Variants in SLC35F4 observed in about 807,000 individuals in gnomAD.
SLC35F4 encodes chromosome 14 open reading frame 36.
Under a neutral mutation model 44.2 loss-of-function variants are expected in SLC35F4, and 24 were observed. The observed-to-expected ratio is 0.54, with a 90% CI of 0.39 to 0.76. The LOEUF (loss-of-function observed/expected upper bound fraction) is 0.76, where lower values mean the gene tolerates loss of function less well. SLC35F4 is among the 30% of genes least tolerant of loss of function. SLC35F4 has a pLI of 0.00. For synonymous variants in SLC35F4, 238 were observed against 223.6 expected, an observed-to-expected ratio of 1.06 and a Z score of -0.57; for missense variants, 562 against 586.1, an observed-to-expected ratio of 0.96 and a Z score of 0.42.
At chr14:57,808,721 C>A (rs1881631236) in intron 1 of SLC35F4, among the ~76,000 whole-genome samples, 1 of 152,122 alleles carries the variant, frequency 6.6e-6, no homozygotes, top group Non-Finnish European at 1.5e-5. Flanking sequence ...AAGGAGGATC[C>A]CTTGAGTCCA....
chr14:57,776,691 T>TAAAAAAAAAAAAAAAA (rs2077498893), intron 1 of SLC35F4, among the ~76,000 whole-genome samples: 5 of 126,574 alleles, frequency 4.0e-5, no homozygotes, highest in African/African-American at 1.5e-4. Flanking sequence ...AAAAAAAAAT[T>TAAAAAAAAAAAAAAAA]AAAGGCAGCT....
chr14:57,657,610 G>T (rs189939175), intron 1 of SLC35F4, among the ~76,000 whole-genome samples: 2 of 151,962 alleles, frequency 1.3e-5, no homozygotes, highest in African/African-American at 4.8e-5. Flanking sequence ...AAATTGCATC[G>T]CACGTGAGAT....
intron 1 of SLC35F4, among the ~76,000 whole-genome samples, chr14:57,619,131 G>T (rs140076061): frequency 2.0e-5 from 3 of 152,140 alleles, no homozygotes; most frequent in African/African-American, 7.2e-5. Flanking sequence ...AGACTTAAAC[G>T]TCCCTACCTA....
chr14:57,969,678 C>G (rs1880998169), intron 1 of SLC35F4, among the ~76,000 whole-genome samples: 1 of 152,024 alleles, frequency 6.6e-6, no homozygotes, highest in Non-Finnish European at 1.5e-5. Flanking sequence ...TATTTAATAG[C>G]CTATGAGATA....
At chr14:57,784,033 A>C (rs764884435) in intron 1 of SLC35F4, among the ~76,000 whole-genome samples, 2 of 152,252 alleles carry the variant, frequency 1.3e-5, no homozygotes, top group Non-Finnish European at 2.9e-5. Context: ...GTATGACTTC[A>C]CAGGATTTAT....
intron 4 of SLC35F4, among the ~76,000 whole-genome samples, chr14:57,577,431 A>G (rs1003562019): frequency 1.3e-5 from 2 of 152,200 alleles, no homozygotes; most frequent in African/African-American, 4.8e-5. Context: ...CTGCTAAGAC[A>G]GTTGGGATCT....
At chr14:57,954,511 A>G (rs1423587899) in intron 1 of SLC35F4, among the ~76,000 whole-genome samples, 4 of 152,194 alleles carry the variant, frequency 2.6e-5, no homozygotes, top group African/African-American at 9.6e-5. Context: ...GATTAACAAA[A>G]TAGATAGACC....
intron 1 of SLC35F4, among the ~76,000 whole-genome samples, chr14:57,717,849 G>C (rs1286156566): frequency 6.6e-6 from 1 of 152,054 alleles, no homozygotes; most frequent in Non-Finnish European, 1.5e-5. Context: ...TTTATCCTTT[G>C]TTACAAACAA....
intron 1 of SLC35F4, among the ~76,000 whole-genome samples, chr14:57,751,704 T>C (rs1384090683): frequency 2.0e-5 from 3 of 152,178 alleles, no homozygotes; most frequent in South Asian, 2.1e-4. Context: ...TTACAAGGAA[T>C]AGGACAAAAA....
At chr14:57,943,978 T>C (rs1445593073) in intron 1 of SLC35F4, among the ~76,000 whole-genome samples, 4 of 152,162 alleles carry the variant, frequency 2.6e-5, no homozygotes, top group Admixed American at 6.5e-5. Flanking sequence ...CAGGCAGCTA[T>C]TGCACCTCTC....
intron 1 of SLC35F4, among the ~76,000 whole-genome samples, chr14:57,822,184 G>A (rs2140912972): frequency 6.6e-6 from 1 of 152,314 alleles, no homozygotes; most frequent in Non-Finnish European, 1.5e-5. Context: ...CTTTGTCTTG[G>A]AGCACATTGC....
intron 4 of SLC35F4, among the ~76,000 whole-genome samples, chr14:57,572,448 A>ATG (rs2139711904): frequency 6.6e-6 from 1 of 152,206 alleles, no homozygotes; most frequent in African/African-American, 2.4e-5. Context: ...GGCTCAAGGT[A>ATG]TGTTTCTGAA....
intron 1 of SLC35F4, among the ~76,000 whole-genome samples, chr14:57,922,276 G>A (rs569688040): frequency 2.2e-4 from 33 of 152,192 alleles, no homozygotes; most frequent in Non-Finnish European, 4.6e-4. Flanking sequence ...GAGCCCTGAA[G>A]TTTCTAATTC....
intron 1 of SLC35F4, among the ~76,000 whole-genome samples, chr14:57,832,367 C>T (rs1341810804): frequency 6.6e-6 from 1 of 152,154 alleles, no homozygotes; most frequent in Admixed American, 6.5e-5. Flanking sequence ...CTTTAAGTAG[C>T]TTGTCCAAAG....
At chr14:57,960,757 A>C (rs1444311089) in intron 1 of SLC35F4, among the ~76,000 whole-genome samples, 1 of 152,216 alleles carries the variant, frequency 6.6e-6, no homozygotes, top group Non-Finnish European at 1.5e-5. Context: ...AATCCACAGC[A>C]TAAGAAATCA....
chr14:57,874,715 C>T (rs1041053058), intron 1 of SLC35F4, among the ~76,000 whole-genome samples: 2 of 152,172 alleles, frequency 1.3e-5, no homozygotes, highest in Admixed American at 1.3e-4. Context: ...CAAATCTACT[C>T]ATGTTGCCAT....
intron 1 of SLC35F4, among the ~76,000 whole-genome samples, chr14:57,884,613 G>C (rs149209073): frequency 8.3e-4 from 126 of 152,238 alleles, no homozygotes; most frequent in East Asian, 2.9e-3. Flanking sequence ...TGTATACAGA[G>C]AGAAACTCTC....
At chr14:57,975,709 G>T (rs1041936999), downstream of SLC35F4, among the ~76,000 whole-genome samples, 1 of 152,210 alleles carries the variant, frequency 6.6e-6, no homozygotes, top group Non-Finnish European at 1.5e-5. Flanking sequence ...AATAAAGAAT[G>T]CACCGCAGAG....
chr14:57,694,198 CAT>C (rs2075312740), intron 1 of SLC35F4, among the ~76,000 whole-genome samples: 1 of 152,156 alleles, frequency 6.6e-6, no homozygotes, highest in African/African-American at 2.4e-5. Flanking sequence ...AGTATAATTG[CAT>C]CTTTGGCATT....
Sources: allele counts gnomAD v4.1 joint callset (sites outside exome capture counted in the v4.1 genomes callset), GRCh38; gene constraint gnomAD v4.1.1; transcripts MANE v1.5; gene names NCBI Gene and HGNC (gene_info 2026-07-23, HGNC 2026-07-21).